The following FANCC variants were observed in gnomAD, a reference collection of about 807,000 sequenced individuals.
FANCC encodes Fanconi anemia group C protein.
Under a neutral mutation model 71.3 loss-of-function variants are expected in FANCC, and 55 were observed. The observed-to-expected ratio is 0.77, with a 90% CI of 0.62 to 0.97. FANCC has a LOEUF of 0.97. FANCC is among the 50% of genes least tolerant of loss of function. The pLI is 0.00. For synonymous variants in FANCC, 275 were observed against 244.9 expected (o/e 1.12, Z -1.15); for missense variants, 678 against 670.9 (o/e 1.01, Z -0.12).
intron 7 of FANCC, among the ~76,000 whole-genome samples, chr9:95,140,884 C>T (rs1002636201): frequency 6.6e-6 from 1 of 152,122 alleles, no homozygotes; most frequent in African/African-American, 2.4e-5. Flanking sequence ...CAGCCACCAA[C>T]AAGCAGAAGA....
intron 6 of FANCC, among the ~76,000 whole-genome samples, chr9:95,164,122 C>T (rs143334965): frequency 2.6e-5 from 4 of 152,222 alleles, no homozygotes; most frequent in African/African-American, 9.6e-5. Context: ...TTGTATACTG[C>T]AACTTTGTTG....
At chr9:95,315,749 T>C (rs1835701916) in intron 1 of FANCC, among the ~76,000 whole-genome samples, 1 of 152,262 alleles carries the variant, frequency 6.6e-6, no homozygotes, top group African/African-American at 2.4e-5. Flanking sequence ...AACTTGGAAC[T>C]ACCACTCATG....
At chr9:95,112,915 T>C (rs1326208580) in intron 12 of FANCC, among the ~76,000 whole-genome samples, 1 of 152,220 alleles carries the variant, frequency 6.6e-6, no homozygotes, top group Non-Finnish European at 1.5e-5. Context: ...CTTCACGCAT[T>C]TGACATCACA....
intron 1 of FANCC, among the ~76,000 whole-genome samples, chr9:95,279,266 C>T (rs1295238073): frequency 2.6e-5 from 4 of 151,394 alleles, no homozygotes; most frequent in Non-Finnish European, 4.4e-5. Flanking sequence ...TGCAGTGAGC[C>T]GAGCTCACAC....
At chr9:95,268,055 G>A (rs951887668) in intron 1 of FANCC, among the ~76,000 whole-genome samples, 2 of 152,238 alleles carry the variant, frequency 1.3e-5, no homozygotes, top group African/African-American at 4.8e-5. Flanking sequence ...GACTGAATGG[G>A]TCAGATCAGC....
chr9:95,154,996 A>C (rs1306368085), intron 6 of FANCC, among the ~76,000 whole-genome samples: 1 of 151,632 alleles, frequency 6.6e-6, no homozygotes, highest in East Asian at 2.0e-4. Context: ...GCTTCAGCCC[A>C]GGAGTTTGAG....
intron 1 of FANCC, among the ~76,000 whole-genome samples, chr9:95,271,025 T>A (rs1225664077): frequency 6.6e-6 from 1 of 152,202 alleles, no homozygotes; most frequent in African/African-American, 2.4e-5. Flanking sequence ...GAATGGGCTC[T>A]GATTAGGTTA....
intron 1 of FANCC, among the ~76,000 whole-genome samples, chr9:95,301,847 G>A (rs1045379267): frequency 4.6e-5 from 7 of 151,554 alleles, no homozygotes; most frequent in Non-Finnish European, 8.8e-5. Context: ...GGAGGCCGAG[G>A]CAGGTGAATC....
chr9:95,141,985 G>GTTTTTTTT (rs1163083695), intron 7 of FANCC, among the ~76,000 whole-genome samples: 12 of 83,154 alleles, frequency 1.4e-4, no homozygotes, highest in African/African-American at 2.4e-4. Context: ...AGTTTGTGGG[G>GTTTTTTTT]TTTTTTTTTT....
chr9:95,219,275 C>T (rs1176800678), intron 4 of FANCC, among the ~76,000 whole-genome samples: 1 of 152,016 alleles, frequency 6.6e-6, no homozygotes, highest in East Asian at 1.9e-4. Context: ...GAGTAAGGCT[C>T]TTAGAGAAAT....
intron 1 of FANCC, chr9:95,292,697 A>G: frequency 7.5e-7 from 1 of 1,325,676 alleles, no homozygotes; most frequent in Non-Finnish European, 1.1e-6. Context: ...CAATAATAAG[A>G]AAAGATTTGA....
At chr9:95,111,036 A>AGAT in intron 13 of FANCC, 1 of 1,455,742 alleles carries the variant, frequency 6.9e-7, no homozygotes, top group Non-Finnish European at 9.0e-7. Context: ...GAGACAGTCA[A>AGAT]GATGGAAGCA....
chr9:95,201,559 C>G (rs1335266346), intron 4 of FANCC, among the ~76,000 whole-genome samples: 2 of 151,972 alleles, frequency 1.3e-5, no homozygotes, highest in Non-Finnish European at 2.9e-5. Flanking sequence ...GTATTTTCTT[C>G]AAAGCAATCC....
At chr9:95,202,140 G>A (rs1827846097) in intron 4 of FANCC, among the ~76,000 whole-genome samples, 1 of 152,180 alleles carries the variant, frequency 6.6e-6, no homozygotes, top group East Asian at 1.9e-4. Flanking sequence ...ATATAAAACT[G>A]CTGTATTAAG....
At chr9:95,182,279 G>C (rs1452497862) in intron 4 of FANCC, among the ~76,000 whole-genome samples, 1 of 151,374 alleles carries the variant, frequency 6.6e-6, no homozygotes, top group Non-Finnish European at 1.5e-5. Context: ...CCAGTACTTT[G>C]GGAGGCCGAG....
At chr9:95,108,458 C>T (rs191389487) in intron 13 of FANCC, among the ~76,000 whole-genome samples, 9 of 152,314 alleles carry the variant, frequency 5.9e-5, no homozygotes, top group Admixed American at 3.3e-4. Context: ...GACCCACAAC[C>T]GACTTTCTGC....
chr9:95,242,072 T>C (rs532199852), intron 3 of FANCC, among the ~76,000 whole-genome samples: 1 of 152,338 alleles, frequency 6.6e-6, no homozygotes, highest in Non-Finnish European at 1.5e-5. Flanking sequence ...CAGTAATTTT[T>C]AAACCCATTT....
chr9:95,243,392 CTCCT>C (rs1370406048), intron 3 of FANCC, among the ~76,000 whole-genome samples: 2 of 152,120 alleles, frequency 1.3e-5, no homozygotes, highest in Non-Finnish European at 2.9e-5. Flanking sequence ...CAAATCATCC[CTCCT>C]TCCTTATTAC....
chr9:95,187,907 G>A (rs921254577), intron 4 of FANCC, among the ~76,000 whole-genome samples: 11 of 151,734 alleles, frequency 7.2e-5, no homozygotes, highest in Admixed American at 1.3e-4. Context: ...GGATGGAAAC[G>A]TCTCAAGACT....
Sources: allele counts gnomAD v4.1 joint callset (sites outside exome capture counted in the v4.1 genomes callset), GRCh38; gene constraint gnomAD v4.1.1; transcripts MANE v1.5; gene names NCBI Gene and HGNC (gene_info 2026-07-23, HGNC 2026-07-21).